The following ME3 variants were observed in gnomAD, a reference collection of about 807,000 sequenced individuals.
ME3 encodes the protein malic enzyme 3, also known as NADP-dependent malic enzyme, mitochondrial.
ME3 carries 48 observed loss-of-function variants against 68.9 expected under a neutral mutation model. The observed-to-expected ratio is 0.70, with a 90% CI of 0.55 to 0.89. ME3 has a LOEUF of 0.89. Among genes scored for constraint, ME3 ranks in the 40% least tolerant of loss-of-function variants. The pLI, the probability that ME3 is intolerant of heterozygous loss-of-function variation, is 0.00. For synonymous variants in ME3, 320 were observed against 318.8 expected (o/e 1.00, Z -0.04); for missense variants, 675 against 797.4 (o/e 0.85, Z 1.85).
intron 4 of ME3, among the ~76,000 whole-genome samples, chr11:86,547,129 T>G (rs1956403891): frequency 6.7e-6 from 1 of 148,902 alleles, no homozygotes; most frequent in Admixed American, 6.8e-5. Context: ...TCCCAGCTAC[T>G]CAGGAGGCTG....
At chr11:86,653,829 C>T (rs868577713) in intron 2 of ME3, among the ~76,000 whole-genome samples, 3 of 151,898 alleles carry the variant, frequency 2.0e-5, no homozygotes, top group Non-Finnish European at 4.4e-5. Context: ...AAAAGATCAA[C>T]AAAATTGATA....
rs554412280 is a variant in ME3, at chr11:86,626,474, G to A, written c.183+45288C>T. Among the ~76,000 whole-genome samples the A allele has an allele frequency of 5.9e-5, 9 of 152,238 alleles. No individual in the cohort carries two copies. The South Asian group carries it at 1.7e-3, about 28-fold the overall frequency. ...TCATAGACACCTTCACCAGCCAGTT[G>A]GCACCCTCTCCTCAGAAGTCTGGGT... On this transcript the variant is annotated intron_variant, in intron 2 of 14. Coordinates refer to ENST00000543262, the Ensembl canonical transcript of ME3.
intron 13 of ME3, among the ~76,000 whole-genome samples, chr11:86,443,680 G>A (rs1949130095): frequency 6.6e-6 from 1 of 152,238 alleles, no homozygotes; most frequent in Admixed American, 6.5e-5. Context: ...TGAGAACTGT[G>A]TGTCTCAGAA....
intron 2 of ME3, among the ~76,000 whole-genome samples, chr11:86,565,123 A>G (rs1957418775): frequency 6.6e-6 from 1 of 152,188 alleles, no homozygotes; most frequent in African/African-American, 2.4e-5. Flanking sequence ...GAGAAATGCA[A>G]ATCAAAGCCA....
intron 4 of ME3, among the ~76,000 whole-genome samples, chr11:86,534,542 G>T (rs1276482261): frequency 1.3e-5 from 2 of 152,016 alleles, no homozygotes; most frequent in African/African-American, 4.8e-5. Flanking sequence ...GGGCAGGGTG[G>T]CGCATGCCTG....
intron 4 of ME3, among the ~76,000 whole-genome samples, chr11:86,551,635 G>C (rs565377434): frequency 6.6e-6 from 1 of 152,306 alleles, no homozygotes; most frequent in Admixed American, 6.5e-5. Flanking sequence ...AGTTGTTATA[G>C]GGCTCAACAA....
chr11:86,497,889 C>T, intron 6 of ME3, 74 bp downstream of exon 6: 1 of 1,474,844 alleles, frequency 6.8e-7, no homozygotes, highest in East Asian at 2.4e-5. Context: ...TATAACCACC[C>T]ACAAACATGC....
chr11:86,496,565 A>G (rs962185918), intron 6 of ME3, among the ~76,000 whole-genome samples: 2 of 152,246 alleles, frequency 1.3e-5, no homozygotes. Flanking sequence ...GAATTTACAA[A>G]ATGACCATTC....
chr11:86,601,478 A>G lies in ME3; in HGVS notation c.184-41655T>C, dbSNP rs188931636. Among the ~76,000 whole-genome samples, 881 of 152,252 alleles carry G rather than the reference A, an allele frequency of 5.8e-3. 4 individuals carry two copies. The highest frequency in any genetic ancestry group is 0.02 in the African/African-American group (826 of 41,564). ...AATAATCACTAGCTCACCAACCAAA[A>G]AGAGTCCAGGACCAGATGGATTCAC... is the stretch of plus-strand genomic sequence containing the variant. On this transcript the variant is annotated intron_variant, in intron 2 of 14. Transcript: ENST00000543262.
intron 2 of ME3, among the ~76,000 whole-genome samples, chr11:86,576,029 G>T (rs1958086679): frequency 6.6e-6 from 1 of 152,194 alleles, no homozygotes; most frequent in South Asian, 2.1e-4. Flanking sequence ...TTGAACAGAA[G>T]TTTGCTCATC....
At chr11:86,665,726 C>T (rs1244927543) in intron 2 of ME3, among the ~76,000 whole-genome samples, 5 of 152,102 alleles carry the variant, frequency 3.3e-5, no homozygotes, top group Admixed American at 1.3e-4. Context: ...CAGAGAGATG[C>T]TGGAGGCTTC....
chr11:86,641,933 T>A (rs755527256), intron 2 of ME3, among the ~76,000 whole-genome samples: 1 of 152,090 alleles, frequency 6.6e-6, no homozygotes, highest in South Asian at 2.1e-4. Context: ...TGATAGTGAG[T>A]CAAACTAGCC....
chr11:86,542,296 G>A (rs1447616070), intron 4 of ME3, among the ~76,000 whole-genome samples: 1 of 152,184 alleles, frequency 6.6e-6, no homozygotes, highest in African/African-American at 2.4e-5. Flanking sequence ...AAACTGGACA[G>A]AGCATGACTT....
At chr11:86,500,445 T>C (rs1952650300) in intron 5 of ME3, among the ~76,000 whole-genome samples, 1 of 152,240 alleles carries the variant, frequency 6.6e-6, no homozygotes. Context: ...ACCATGGTTA[T>C]AGTTGAGTTA....
intron 5 of ME3, among the ~76,000 whole-genome samples, chr11:86,500,843 C>T (rs1177127621): frequency 6.6e-6 from 1 of 152,108 alleles, no homozygotes; most frequent in Non-Finnish European, 1.5e-5. Flanking sequence ...CCATTATAAT[C>T]TACTGAAATT....
intron 2 of ME3, among the ~76,000 whole-genome samples, chr11:86,573,541 G>A (rs1957924441): frequency 6.6e-6 from 1 of 150,642 alleles, no homozygotes; most frequent in South Asian, 2.1e-4. Context: ...CTGACAGACG[G>A]GAGTTTTCTA....
chr11:86,442,898 C>T, exon 14 of ME3: 1 of 1,612,900 alleles, frequency 6.2e-7, no homozygotes, highest in Non-Finnish European at 8.5e-7. Flanking sequence ...AGATGCTGCT[C>T]AGAGACTTCC....
chr11:86,481,284 C>G (rs1252488360), intron 7 of ME3, among the ~76,000 whole-genome samples: 1 of 146,776 alleles, frequency 6.8e-6, no homozygotes, highest in Non-Finnish European at 1.5e-5. Flanking sequence ...AACTCCTGGC[C>G]TCAAATAATC....
chr11:86,657,912 G>C (rs1044103050), intron 2 of ME3, among the ~76,000 whole-genome samples: 2 of 152,146 alleles, frequency 1.3e-5, no homozygotes, highest in Non-Finnish European at 2.9e-5. Flanking sequence ...TGGATGGATG[G>C]ACAGGGATTC....
Sources: allele counts gnomAD v4.1 joint callset (sites outside exome capture counted in the v4.1 genomes callset), GRCh38; gene constraint gnomAD v4.1.1; transcripts MANE v1.5; gene names NCBI Gene and HGNC (gene_info 2026-07-23, HGNC 2026-07-21).